AKAP10: variants seen among roughly 807,000 people sequenced by gnomAD.
AKAP10 encodes the protein A-kinase anchoring protein 10, also known as A-kinase anchor protein 10, mitochondrial.
AKAP10 carries 24 observed loss-of-function variants against 80.8 expected under a neutral mutation model. The observed-to-expected ratio is 0.30, with a 90% confidence interval of 0.22 to 0.42. The LOEUF is 0.42. AKAP10 is among the 10% of genes least tolerant of loss of function. AKAP10 has a pLI of 1.00. For missense variants in AKAP10, 661 were observed against 794.9 expected (o/e 0.83, Z 2.03); for synonymous variants, 291 against 277.7 (o/e 1.05, Z -0.48).
chr17:19,948,267 C>G (rs1328135791), intron 4 of AKAP10, among the ~76,000 whole-genome samples: 1 of 152,116 alleles, frequency 6.6e-6, no homozygotes, highest in Non-Finnish European at 1.5e-5. Flanking sequence ...GCAGTACCTC[C>G]GTACTCCTGA....
intron 2 of AKAP10, among the ~76,000 whole-genome samples, chr17:19,967,189 T>C (rs1330413475): frequency 4.6e-5 from 7 of 152,334 alleles, no homozygotes; most frequent in African/African-American, 1.7e-4. Flanking sequence ...ATTTCCATTA[T>C]AATTTTCCCA....
intron 9 of AKAP10, among the ~76,000 whole-genome samples, chr17:19,935,547 A>G (rs1207946528): frequency 6.6e-6 from 1 of 152,180 alleles, no homozygotes; most frequent in East Asian, 1.9e-4. Context: ...CTTAAAACAC[A>G]AACATATACA....
chr17:19,940,349 A>G (rs2043039080), intron 7 of AKAP10, among the ~76,000 whole-genome samples: 1 of 152,194 alleles, frequency 6.6e-6, no homozygotes, highest in Non-Finnish European at 1.5e-5. Context: ...GAGACTGGGA[A>G]TCCTCTTTCT....
At chr17:19,933,734 T>A (rs79634508) in intron 9 of AKAP10, among the ~76,000 whole-genome samples, 14,494 of 152,194 alleles carry the variant, frequency 0.095, 784 homozygotes, top group Non-Finnish European at 0.12. Flanking sequence ...CATTCTTCAG[T>A]ATTCCTAAAA....
At chr17:19,914,248 AC>A (rs1422492694) in intron 12 of AKAP10, among the ~76,000 whole-genome samples, 1 of 152,000 alleles carries the variant, frequency 6.6e-6, no homozygotes, top group African/African-American at 2.4e-5. Context: ...CAATTCTCCA[AC>A]CCAGCCTCCC....
intron 10 of AKAP10, among the ~76,000 whole-genome samples, chr17:19,931,394 T>C (rs201751799): frequency 7.5e-4 from 106 of 141,184 alleles, no homozygotes; most frequent in Non-Finnish European, 1.0e-3. Context: ...ATTTCTCTCT[T>C]TTTTTTTTTT....
At chr17:19,968,859 G>A (rs939210427) in intron 1 of AKAP10, among the ~76,000 whole-genome samples, 5 of 151,962 alleles carry the variant, frequency 3.3e-5, no homozygotes, top group African/African-American at 1.2e-4. Context: ...TACCTGTAAG[G>A]GGCTTAGAAG....
chr17:19,957,956 G>T, intron 4 of AKAP10, 58 bp downstream of exon 4: 1 of 1,480,168 alleles, frequency 6.8e-7, no homozygotes, highest in Non-Finnish European at 9.1e-7. Context: ...GTTCTGCTTA[G>T]TAAATTAAAA....
rs972160996 is a variant in AKAP10, at chr17:19,920,051, C to T, written c.1819G>A (p.Val607Ile). The change falls in exon 12 of 15, where the codon GTA (valine) becomes ATA (isoleucine). Residue 607 changes from valine to isoleucine, a missense_variant. By Grantham distance (29) the Val-to-Ile change is conservative. Transcript: ENST00000225737. ...FIRESEPEPDVRKSKGSMFSQ... is the reference protein window; with the variant it reads ...FIRESEPEPDIRKSKGSMFSQ... ...CACCACAAACCTTTTGATTTCCTTA[C>T]ATCAGGTTCAGGCTCAGATTCTCGG... is the stretch of plus-strand genomic sequence containing the variant. 8 of 1,612,734 alleles carry T rather than the reference C, an allele frequency of 5.0e-6. No individual in the cohort carries two copies. Among genetic ancestry groups the T allele is most frequent in the South Asian group, 2.2e-5 (2 of 91,020 alleles).
intron 11 of AKAP10, among the ~76,000 whole-genome samples, chr17:19,923,683 T>C (rs994711855): frequency 6.6e-6 from 1 of 152,020 alleles, no homozygotes. Context: ...CCTGCCACCA[T>C]GCCCGGCTAA....
chr17:19,924,567 G>A (rs1240620577), intron 10 of AKAP10, 50 bp from the exon 11 acceptor site: 1 of 1,240,414 alleles, frequency 8.1e-7, no homozygotes, highest in Non-Finnish European at 1.1e-6. Flanking sequence ...TCAGTCCTGG[G>A]CTTGGAATGT....
chr17:19,943,159 G>T (rs1207996867), intron 5 of AKAP10, among the ~76,000 whole-genome samples: 1 of 152,176 alleles, frequency 6.6e-6, no homozygotes, highest in Non-Finnish European at 1.5e-5. Context: ...AAAGTGCTGG[G>T]ATTACAGGCC....
At position 19,940,935 on chromosome 17, in the gene AKAP10, G is replaced by A. The variant is rs1341602274; in HGVS notation, c.1137C>T (p.Tyr379=). 1 of 1,610,818 alleles carries A rather than the reference G, an allele frequency of 6.2e-7. No individual in the cohort carries two copies. The highest frequency in any genetic ancestry group is 1.3e-5 in the African/African-American group (1 of 74,758). Residue 379 remains tyrosine (Y), a synonymous_variant, in exon 7 of 15, where the codon TAC becomes TAT. Coordinates refer to ENST00000225737, the MANE Select transcript of AKAP10 (RefSeq NM_007202.4). Reference sequence around the variant, plus strand: ...ACTCACAGAAGAGAATGTCAGCCAGGTAAACAGTTCCACTGGTCAGCACTT... The same window carrying A: ...ACTCACAGAAGAGAATGTCAGCCAGATAAACAGTTCCACTGGTCAGCACTT... ...QIEVLTSGTV[Y]LADILFCESA...
chr17:19,957,268 G>A lies in AKAP10; in HGVS notation c.877+746C>T, dbSNP rs566031614. Among the ~76,000 whole-genome samples, 6 of 152,174 alleles carry A rather than the reference G, an allele frequency of 3.9e-5. No homozygotes were observed. The South Asian group carries it at 1.0e-3, about 26-fold the overall frequency. On this transcript the variant is annotated intron_variant, in intron 4 of 14. Coordinates refer to ENST00000225737, the MANE Select transcript of AKAP10 (RefSeq NM_007202.4). The stretch of plus-strand genomic sequence containing the variant: ...TGTAAATAAGATAATCAGTCCGGGC[G>A]CGGTGGCTCATGCCTGTAATCCCAG...
chr17:19,970,624 A>C (rs1233504410), intron 1 of AKAP10, among the ~76,000 whole-genome samples: 3 of 152,252 alleles, frequency 2.0e-5, no homozygotes, highest in African/African-American at 4.8e-5. Flanking sequence ...GGAGTTCGAG[A>C]CCAGCCTTGC....
intron 10 of AKAP10, chr17:19,929,421 C>G (rs1262409153): frequency 6.6e-6 from 1 of 152,112 alleles, no homozygotes; most frequent in Non-Finnish European, 1.5e-5. Flanking sequence ...TAATGCTAAT[C>G]TATGCCATCA....
Position 19,935,700 on chromosome 17 carries a change from A to G in AKAP10, c.1467+586T>C, listed in dbSNP as rs191259489. ...AGCCTACACAGGGTCAGGATCATCAATAACACTTTCTTTCACCTCCACATC... is the reference window on the plus strand; with the variant it reads ...AGCCTACACAGGGTCAGGATCATCAGTAACACTTTCTTTCACCTCCACATC... On this transcript the variant is annotated intron_variant, in intron 9 of 14. Transcript: ENST00000225737. 7.4e-4 allele frequency among the ~76,000 whole-genome samples: 113 copies of G among 152,214 alleles called. 1 individual carries two copies. Among genetic ancestry groups the G allele is most frequent in the South Asian group, 1.0e-3 (5 of 4,826 alleles).
At chr17:19,930,134 A>G (rs1204663811) in intron 10 of AKAP10, among the ~76,000 whole-genome samples, 2 of 152,326 alleles carry the variant, frequency 1.3e-5, no homozygotes, top group East Asian at 3.9e-4. Context: ...GTAAATGGCA[A>G]TACGATAATA....
At position 19,927,016 on chromosome 17, in the gene AKAP10, G is replaced by A. The variant is rs549255031; in HGVS notation, c.1642-2499C>T. ...TGGGTGCCTGTAATCCCAGCTACTC[G>A]GGAGGCTGAAGCAGGAAGACACTAT... On this transcript the variant is annotated intron_variant, in intron 10 of 14. Coordinates refer to ENST00000225737, the MANE Select transcript of AKAP10 (RefSeq NM_007202.4). 9.9e-5 allele frequency among the ~76,000 whole-genome samples: 15 copies of A among 152,128 alleles called. No individual in the cohort carries two copies. In the South Asian group the frequency reaches 2.7e-3, roughly 27 times the overall value.
Sources: gnomAD v4.1 joint callset for allele counts (sites outside exome capture counted in the v4.1 genomes callset) on GRCh38, gnomAD v4.1.1 for gene constraint, MANE v1.5 for transcripts, NCBI Gene and HGNC (gene_info 2026-07-23, HGNC 2026-07-21) for gene names.